Variants in GPC6 observed in about 807,000 individuals in gnomAD.
The protein encoded by GPC6 is glypican 6, also known as glypican-6.
A neutral mutation model predicts 55.2 loss-of-function variants in GPC6; 14 were observed. The observed-to-expected ratio is 0.25, with a 90% CI of 0.17 to 0.40. The LOEUF is 0.40. GPC6 is among the 10% of genes least tolerant of loss of function. The pLI, the probability that GPC6 is intolerant of heterozygous loss-of-function variation, is 1.00. For synonymous variants in GPC6, 278 were observed against 259.6 expected (o/e 1.07, Z -0.68); for missense variants, 641 against 708.5 (o/e 0.90, Z 1.08).
intron 2 of GPC6, among the ~76,000 whole-genome samples, chr13:93,664,044 T>C (rs1881034359): frequency 6.6e-6 from 1 of 152,242 alleles, no homozygotes; most frequent in Non-Finnish European, 1.5e-5. Flanking sequence ...AGAATAATAC[T>C]GACAGTGTTA....
chr13:94,396,559 A>C (rs1880905333), intron 7 of GPC6, among the ~76,000 whole-genome samples: 1 of 152,228 alleles, frequency 6.6e-6, no homozygotes, highest in Non-Finnish European at 1.5e-5. Flanking sequence ...GCCCCCTTAC[A>C]AAAGGGTGGG....
intron 1 of GPC6, among the ~76,000 whole-genome samples, chr13:93,337,228 A>G (rs539496383): frequency 3.3e-5 from 5 of 152,232 alleles, no homozygotes; most frequent in African/African-American, 1.2e-4. Context: ...GTTTAGCTTG[A>G]TTTTCTGTGC....
intron 7 of GPC6, among the ~76,000 whole-genome samples, chr13:94,398,010 T>C (rs1237727048): frequency 6.6e-6 from 1 of 152,060 alleles, no homozygotes; most frequent in Non-Finnish European, 1.5e-5. Flanking sequence ...GGCACTTCTC[T>C]TGCCTGCCAC....
intron 1 of GPC6, among the ~76,000 whole-genome samples, chr13:93,298,926 C>T (rs1878586856): frequency 6.6e-6 from 1 of 150,938 alleles, no homozygotes; most frequent in Non-Finnish European, 1.5e-5. Flanking sequence ...GAATTAGTCA[C>T]ATGGTGTCTC....
chr13:93,827,375 G>T (rs1363088144), intron 2 of GPC6, among the ~76,000 whole-genome samples: 4 of 152,148 alleles, frequency 2.6e-5, no homozygotes, highest in Non-Finnish European at 5.9e-5. Flanking sequence ...CAAAGAGTCA[G>T]ATTTCAAAAG....
At chr13:94,281,106 A>G (rs1892366686) in intron 4 of GPC6, among the ~76,000 whole-genome samples, 1 of 152,320 alleles carries the variant, frequency 6.6e-6, no homozygotes, top group South Asian at 2.1e-4. Context: ...TAGTTATTAG[A>G]TTAAGTTGAG....
At chr13:93,698,510 T>TTTA (rs1555325235) in intron 2 of GPC6, among the ~76,000 whole-genome samples, 1 of 127,410 alleles carries the variant, frequency 7.8e-6, no homozygotes, top group African/African-American at 2.8e-5. Context: ...TTTTTTTTTT[T>TTTA]ACTGTCAGGT....
intron 2 of GPC6, among the ~76,000 whole-genome samples, chr13:93,825,860 C>CTTTTT (rs1029574657): frequency 2.1e-4 from 26 of 124,178 alleles, no homozygotes; most frequent in Non-Finnish European, 3.2e-4. Context: ...TTATTATTTT[C>CTTTTT]TTTTTTTTTT....
At chr13:94,032,697 G>A (rs1883186671) in intron 4 of GPC6, among the ~76,000 whole-genome samples, 1 of 152,158 alleles carries the variant, frequency 6.6e-6, no homozygotes, top group African/African-American at 2.4e-5. Context: ...GTGTTGTGGG[G>A]GAAGCCAGCA....
Position 93,749,687 on chromosome 13 carries a change from T to C in GPC6, c.320-80467T>C, listed in dbSNP as rs1884512356. 2.0e-5 allele frequency among the ~76,000 whole-genome samples: 3 copies of C among 151,958 alleles called. No individual in the cohort carries two copies. In the South Asian group the frequency reaches 6.2e-4, roughly 32 times the overall value. On this transcript the variant is annotated intron_variant, in intron 2 of 8. Coordinates refer to ENST00000377047, the MANE Select transcript of GPC6 (RefSeq NM_005708.5). ...GTTCTATAATTAAAAGCAATAATAG[T>C]AATGAAAAATGAACAACCCCAGGGA...
intron 1 of GPC6, among the ~76,000 whole-genome samples, chr13:93,280,841 A>G (rs1163354793): frequency 6.6e-6 from 1 of 152,174 alleles, no homozygotes; most frequent in East Asian, 1.9e-4. Context: ...TTAGATTCTC[A>G]TAAGGAGTCC....
Position 93,633,412 on chromosome 13 carries a change from G to A in GPC6, c.319+87991G>A, listed in dbSNP as rs1298935334. 6.6e-5 allele frequency among the ~76,000 whole-genome samples: 10 copies of A among 152,240 alleles called. No individual in the cohort carries two copies. In the South Asian group the frequency reaches 1.2e-3, roughly 19 times the overall value. On this transcript the variant is annotated intron_variant, in intron 2 of 8. Transcript: ENST00000377047. ...TGTAATCACAGCACTTTGGGAGGCC[G>A]AGGCAGGTGGATCACTTGAGGTCAG...
intron 2 of GPC6, among the ~76,000 whole-genome samples, chr13:93,615,495 C>A (rs978702087): frequency 3.3e-5 from 5 of 152,092 alleles, no homozygotes; most frequent in Admixed American, 2.0e-4. Context: ...TCTATCATGC[C>A]TTTTCCTCCT....
chr13:93,621,904 T>C (rs1299284572), intron 2 of GPC6, among the ~76,000 whole-genome samples: 2 of 152,194 alleles, frequency 1.3e-5, no homozygotes, highest in African/African-American at 4.8e-5. Flanking sequence ...TTTTGAAATA[T>C]GCAATACACT....
intron 1 of GPC6, among the ~76,000 whole-genome samples, chr13:93,536,610 G>T (rs1489553259): frequency 6.6e-6 from 1 of 152,162 alleles, no homozygotes; most frequent in Non-Finnish European, 1.5e-5. Flanking sequence ...ACTAGAAGTT[G>T]TTTATTCACC....
At chr13:93,778,035 G>C (rs1329314362) in intron 2 of GPC6, among the ~76,000 whole-genome samples, 3 of 152,142 alleles carry the variant, frequency 2.0e-5, no homozygotes, top group African/African-American at 7.2e-5. Context: ...ATTAATCCTT[G>C]CTTTGCATAG....
chr13:93,673,369 G>A (rs966395002), intron 2 of GPC6, among the ~76,000 whole-genome samples: 15 of 152,138 alleles, frequency 9.9e-5, no homozygotes, highest in Non-Finnish European at 2.2e-4. Context: ...AATTTAAAAA[G>A]GTTTAAATTC....
chr13:93,345,570 A>G (rs1460017059), intron 1 of GPC6, among the ~76,000 whole-genome samples: 2 of 152,168 alleles, frequency 1.3e-5, no homozygotes, highest in African/African-American at 2.4e-5. Flanking sequence ...GAATAGTAAT[A>G]TATTTTGTAA....
chr13:93,516,876 A>G (rs1052027883), intron 1 of GPC6, among the ~76,000 whole-genome samples: 1 of 152,096 alleles, frequency 6.6e-6, no homozygotes, highest in Non-Finnish European at 1.5e-5. Flanking sequence ...GTTTTGCAGC[A>G]GTCTCTTTGA....
Sources: gnomAD v4.1 joint callset for allele counts (sites outside exome capture counted in the v4.1 genomes callset) on GRCh38, gnomAD v4.1.1 for gene constraint, MANE v1.5 for transcripts, NCBI Gene and HGNC (gene_info 2026-07-23, HGNC 2026-07-21) for gene names.